RBFOX1: variants seen among roughly 807,000 people sequenced by gnomAD.
RBFOX1 encodes the protein RNA binding protein fox-1 homolog 1.
In RBFOX1, 8 loss-of-function variants were observed where a neutral mutation model predicts 57.7. The observed-to-expected ratio is 0.14, with a 90% CI of 0.08 to 0.25. The LOEUF (loss-of-function observed/expected upper bound fraction) is 0.25, where lower values mean the gene tolerates loss of function less well. Ranked by LOEUF, RBFOX1 falls within the 10% of genes least tolerant of loss-of-function variation. The pLI, the probability that RBFOX1 is intolerant of heterozygous loss-of-function variation, is 1.00. For missense variants in RBFOX1, 611 were observed against 548.5 expected (o/e 1.11, Z -1.14); for synonymous variants, 326 against 222.4 (o/e 1.47, Z -4.15).
At chr16:6,819,876 G>A (rs988413683) in intron 3 of RBFOX1, among the ~76,000 whole-genome samples, 1 of 152,114 alleles carries the variant, frequency 6.6e-6, no homozygotes, top group East Asian at 1.9e-4. Flanking sequence ...CAATGTAAGT[G>A]CTTTCCTCAA....
At chr16:6,920,061 C>T (rs2074123711) in intron 3 of RBFOX1, among the ~76,000 whole-genome samples, 3 of 152,138 alleles carry the variant, frequency 2.0e-5, no homozygotes, top group Admixed American at 6.5e-5. Context: ...TGAGTTACTT[C>T]ACTTAGAATA....
chr16:7,160,963 C>G (rs1490196536), intron 4 of RBFOX1, among the ~76,000 whole-genome samples: 2 of 152,134 alleles, frequency 1.3e-5, no homozygotes, highest in African/African-American at 2.4e-5. Context: ...CAGCGACAAA[C>G]CTTCAATGGT....
chr16:7,600,475 A>G, intron 9 of RBFOX1, among the ~76,000 whole-genome samples: 1 of 152,170 alleles, frequency 6.6e-6, no homozygotes. Context: ...CATATCCTTA[A>G]TAAGCAAGAC....
intron 2 of RBFOX1, among the ~76,000 whole-genome samples, chr16:6,320,221 C>A (rs2081603340): frequency 6.6e-6 from 1 of 152,170 alleles, no homozygotes; most frequent in Admixed American, 6.5e-5. Flanking sequence ...ATGCTTGTAT[C>A]ACACAGGAGA....
chr16:6,934,667 C>A (rs190533126), intron 3 of RBFOX1, among the ~76,000 whole-genome samples: 1 of 152,006 alleles, frequency 6.6e-6, no homozygotes, highest in African/African-American at 2.4e-5. Context: ...CATATTCTCA[C>A]TCATATGTGG....
At chr16:5,509,431 C>T (rs1308536467) in intron 2 of RBFOX1, among the ~76,000 whole-genome samples, 9 of 152,186 alleles carry the variant, frequency 5.9e-5, no homozygotes, top group Non-Finnish European at 1.3e-4. Context: ...ACAGGGGCCT[C>T]AGCCATTTCT....
chr16:5,353,957 A>C (rs1376584211), intron 1 of RBFOX1, among the ~76,000 whole-genome samples: 1 of 152,056 alleles, frequency 6.6e-6, no homozygotes, highest in African/African-American at 2.4e-5. Flanking sequence ...TGTTGAAACC[A>C]AGCAGGATGA....
intron 4 of RBFOX1, among the ~76,000 whole-genome samples, chr16:7,473,051 A>T (rs1024008704): frequency 2.0e-5 from 3 of 152,136 alleles, no homozygotes; most frequent in African/African-American, 7.2e-5. Context: ...GTCTCTGTCC[A>T]AGGGTTGATA....
At chr16:6,957,103 T>TTTTTAC (rs1568074645) in intron 3 of RBFOX1, among the ~76,000 whole-genome samples, 2 of 136,972 alleles carry the variant, frequency 1.5e-5, no homozygotes, top group African/African-American at 5.2e-5. Context: ...TTATTTTATT[T>TTTTTAC]TTTTATTTTT....
chr16:5,973,776 A>T (rs147538454), intron 4 of RBFOX1, among the ~76,000 whole-genome samples: 1 of 152,270 alleles, frequency 6.6e-6, no homozygotes, highest in African/African-American at 2.4e-5. Context: ...TTGTTCATTC[A>T]TTCATTTGGA....
At chr16:7,488,201 C>T (rs2065924193) in intron 4 of RBFOX1, among the ~76,000 whole-genome samples, 2 of 152,156 alleles carry the variant, frequency 1.3e-5, no homozygotes, top group Admixed American at 6.5e-5. Flanking sequence ...GCGTGCTCAT[C>T]CCTGCAGGAG....
At chr16:6,309,774 C>A (rs116052033) in intron 1 of RBFOX1, among the ~76,000 whole-genome samples, 3,638 of 152,180 alleles carry the variant, frequency 0.024, 159 homozygotes, top group African/African-American at 0.082. Flanking sequence ...AGAGACTATA[C>A]CTGAGCCCTT....
intron 3 of RBFOX1, among the ~76,000 whole-genome samples, chr16:6,945,775 C>T (rs968051239): frequency 6.6e-6 from 1 of 152,160 alleles, no homozygotes; most frequent in Non-Finnish European, 1.5e-5. Flanking sequence ...CCTGTAATCC[C>T]AGCTACTTCG....
intron 1 of RBFOX1, among the ~76,000 whole-genome samples, chr16:6,249,109 C>G (rs2097586341): frequency 6.6e-6 from 1 of 152,176 alleles, no homozygotes; most frequent in African/African-American, 2.4e-5. Context: ...CCCCACTCCC[C>G]TCCCCACCAA....
chr16:7,229,032 C>A (rs2093325419), intron 4 of RBFOX1, among the ~76,000 whole-genome samples: 1 of 151,980 alleles, frequency 6.6e-6, no homozygotes. Context: ...CAATGCATAA[C>A]AGATGTATCT....
At chr16:6,325,599 A>T (rs1265785908) in intron 2 of RBFOX1, among the ~76,000 whole-genome samples, 2 of 152,168 alleles carry the variant, frequency 1.3e-5, no homozygotes, top group Non-Finnish European at 2.9e-5. Flanking sequence ...GACATTAGTG[A>T]ATCTGGAATC....
chr16:7,213,924 A>G (rs542671715), intron 4 of RBFOX1, among the ~76,000 whole-genome samples: 13 of 140,418 alleles, frequency 9.3e-5, no homozygotes, highest in African/African-American at 3.6e-4. Context: ...AGGAACTCTG[A>G]AGTGGTGGGT....
chr16:5,402,740 G>A (rs1395740983), intron 1 of RBFOX1, among the ~76,000 whole-genome samples: 2 of 152,134 alleles, frequency 1.3e-5, no homozygotes, highest in Admixed American at 1.3e-4. Flanking sequence ...CCTCTTAAGT[G>A]TGTTAATCTC....
rs185642471 is a variant in RBFOX1 at position 6,267,911 on chromosome 16, C to A, written c.-126-49084C>A. 1.0e-3 allele frequency among the ~76,000 whole-genome samples: 157 copies of A among 152,262 alleles called. 2 individuals carry two copies. Among genetic ancestry groups the A allele is most frequent in the Non-Finnish European group, 1.8e-3 (125 of 68,016 alleles). ...ATTACCTTTTTATATTTATCCCAAA[C>A]TGCTAAGGTCAGCATTAAAATTTGA... is the stretch of plus-strand genomic sequence containing the variant. On this transcript the variant is annotated intron_variant, in intron 1 of 15. Coordinates refer to ENST00000550418, the MANE Select transcript of RBFOX1 (RefSeq NM_018723.4).
Sources: allele counts gnomAD v4.1 joint callset (sites outside exome capture counted in the v4.1 genomes callset), GRCh38; gene constraint gnomAD v4.1.1; transcripts MANE v1.5; gene names NCBI Gene and HGNC (gene_info 2026-07-23, HGNC 2026-07-21).